The following CXCL13 variants were observed in gnomAD, a reference collection of about 807,000 sequenced individuals.
The protein encoded by CXCL13 is C-X-C motif chemokine 13.
Under a neutral mutation model 12.2 loss-of-function variants are expected in CXCL13, and 7 were observed. That is an observed-to-expected ratio of 0.57 (90% CI 0.33 to 1.07). The LOEUF is 1.07. CXCL13 is among the 50% of genes least tolerant of loss of function. The probability of loss-of-function intolerance (pLI) is 0.04; values close to 1 mark genes in which losing one functional copy is unlikely to be tolerated. For missense variants in CXCL13, 113 were observed against 127.4 expected (o/e 0.89, Z 0.55); for synonymous variants, 47 against 42.4 (o/e 1.11, Z -0.42).
At chr4:77,523,306 T>C (rs1010056323) in intron 1 of CXCL13, among the ~76,000 whole-genome samples, 7 of 152,218 alleles carry the variant, frequency 4.6e-5, no homozygotes, top group Non-Finnish European at 1.0e-4. Context: ...AAGAGTGTTT[T>C]CCAACTTGGT....
chr4:77,584,598 A>G (rs887139389), intron 1 of CXCL13, among the ~76,000 whole-genome samples: 20 of 152,236 alleles, frequency 1.3e-4, no homozygotes, highest in Admixed American at 1.2e-3. Flanking sequence ...GAGACACTGG[A>G]TAGAAGCCAT....
chr4:77,529,070 T>C (rs1272286075), intron 1 of CXCL13, among the ~76,000 whole-genome samples: 1 of 152,228 alleles, frequency 6.6e-6, no homozygotes, highest in African/African-American at 2.4e-5. Flanking sequence ...GTCAGGTTTG[T>C]CAAAGATCAG....
intron 1 of CXCL13, among the ~76,000 whole-genome samples, chr4:77,556,317 A>G (rs1247115646): frequency 7.2e-6 from 1 of 139,554 alleles, no homozygotes; most frequent in African/African-American, 2.7e-5. Flanking sequence ...CTCAAAAACA[A>G]TGCTGAGTGA....
At chr4:77,576,317 T>C (rs897714893) in intron 1 of CXCL13, among the ~76,000 whole-genome samples, 1 of 152,234 alleles carries the variant, frequency 6.6e-6, no homozygotes, top group Admixed American at 6.5e-5. Context: ...AAACTTATTT[T>C]GAGCTATTTA....
At chr4:77,550,978 C>T (rs1435151264) in intron 1 of CXCL13, among the ~76,000 whole-genome samples, 1 of 152,078 alleles carries the variant, frequency 6.6e-6, no homozygotes, top group Admixed American at 6.5e-5. Context: ...GTTTACATAA[C>T]AAATCTTTCT....
intron 1 of CXCL13, among the ~76,000 whole-genome samples, chr4:77,534,081 G>T (rs1324003306): frequency 4.6e-5 from 7 of 152,164 alleles, no homozygotes; most frequent in South Asian, 2.1e-4. Context: ...GATGAACCTG[G>T]TACCTCAGTT....
At chr4:77,604,113 A>G (rs568247924), upstream of CXCL13, among the ~76,000 whole-genome samples, 1 of 152,172 alleles carries the variant, frequency 6.6e-6, no homozygotes, top group Non-Finnish European at 1.5e-5. Context: ...GACAGCCTCT[A>G]CTGATAACCT....
At chr4:77,530,591 G>A (rs1323785272) in intron 1 of CXCL13, among the ~76,000 whole-genome samples, 2 of 152,150 alleles carry the variant, frequency 1.3e-5, no homozygotes, top group African/African-American at 2.4e-5. Flanking sequence ...TCTGATGGTA[G>A]TTTGTATTTC....
At chr4:77,557,998 C>T (rs1271343706) in intron 1 of CXCL13, among the ~76,000 whole-genome samples, 1 of 152,198 alleles carries the variant, frequency 6.6e-6, no homozygotes, top group South Asian at 2.1e-4. Flanking sequence ...TGCACCATCT[C>T]TTTGTGTCCT....
chr4:77,536,397 A>T (rs1294154261), intron 1 of CXCL13, among the ~76,000 whole-genome samples: 1 of 152,184 alleles, frequency 6.6e-6, no homozygotes, highest in Non-Finnish European at 1.5e-5. Flanking sequence ...TCCATCATGA[A>T]GAAGAAGCAG....
intron 1 of CXCL13, among the ~76,000 whole-genome samples, chr4:77,562,114 C>T (rs888705787): frequency 1.3e-5 from 2 of 152,030 alleles, no homozygotes; most frequent in African/African-American, 4.8e-5. Flanking sequence ...GTGGGGAAGG[C>T]CTCAGGACCT....
chr4:77,607,635 G>A, intron 1 of CXCL13, 68 bp from the exon 2 acceptor site: 2 of 1,464,226 alleles, frequency 1.4e-6, no homozygotes, highest in Non-Finnish European at 1.9e-6. Flanking sequence ...TGAAAGATTA[G>A]TAATTAAATT....
intron 1 of CXCL13, among the ~76,000 whole-genome samples, chr4:77,595,141 A>G (rs889329974): frequency 2.7e-5 from 4 of 148,206 alleles, no homozygotes; most frequent in Non-Finnish European, 5.9e-5. Flanking sequence ...GTCCCTTTGC[A>G]TATCAGGGAG....
intron 1 of CXCL13, among the ~76,000 whole-genome samples, chr4:77,555,134 T>C (rs998954511): frequency 1.3e-5 from 2 of 151,758 alleles, no homozygotes; most frequent in African/African-American, 4.8e-5. Flanking sequence ...AAAAAACCAA[T>C]GAAACCAAAA....
chr4:77,608,798 A>T (rs371424629), intron 2 of CXCL13, among the ~76,000 whole-genome samples: 1 of 152,318 alleles, frequency 6.6e-6, no homozygotes, highest in East Asian at 1.9e-4. Flanking sequence ...AAACTCAGAG[A>T]TGTGAAGTCT....
chr4:77,518,521 C>A (rs1225676227), intron 1 of CXCL13, among the ~76,000 whole-genome samples: 1 of 152,014 alleles, frequency 6.6e-6, no homozygotes, highest in Non-Finnish European at 1.5e-5. Context: ...TCTAAACTTC[C>A]CTTCTTGCTT....
chr4:77,553,076 A>G (rs1458223656), intron 1 of CXCL13, among the ~76,000 whole-genome samples: 3 of 152,176 alleles, frequency 2.0e-5, no homozygotes, highest in Non-Finnish European at 4.4e-5. Flanking sequence ...GCCCTACTGC[A>G]TCACGGTCTT....
At chr4:77,558,743 G>T (rs113985986) in intron 1 of CXCL13, among the ~76,000 whole-genome samples, 5 of 152,286 alleles carry the variant, frequency 3.3e-5, no homozygotes, top group South Asian at 2.1e-4. Context: ...ACGTGTCAGG[G>T]TCTTATTTTT....
chr4:77,532,692 G>A (rs1032455309), intron 1 of CXCL13, among the ~76,000 whole-genome samples: 2 of 152,148 alleles, frequency 1.3e-5, no homozygotes, highest in Admixed American at 6.5e-5. Context: ...CCAATCAGAC[G>A]TAGATTTGAT....
Sources: allele counts gnomAD v4.1 joint callset (sites outside exome capture counted in the v4.1 genomes callset), GRCh38; gene constraint gnomAD v4.1.1; transcripts MANE v1.5; gene names NCBI Gene and HGNC (gene_info 2026-07-23, HGNC 2026-07-21).